Variants in ITGB7 observed in about 807,000 individuals in gnomAD.
ITGB7 encodes the protein integrin subunit beta 7, also known as integrin beta-7.
A neutral mutation model predicts 83.4 loss-of-function variants in ITGB7; 55 were observed. The observed-to-expected ratio is 0.66, with a 90% CI of 0.53 to 0.83. The LOEUF (loss-of-function observed/expected upper bound fraction) is 0.83. Among genes scored for constraint, ITGB7 ranks in the 40% least tolerant of loss-of-function variants. ITGB7 has a pLI of 0.00. For missense variants in ITGB7, 921 were observed against 1,046.7 expected, an observed-to-expected ratio of 0.88 and a Z score of 1.66; for synonymous variants, 454 against 423.6, an observed-to-expected ratio of 1.07 and a Z score of -0.88.
rs1424912589 is a variant in ITGB7 at position 53,193,561 on chromosome 12, A to G, written c.1502+147T>C. On this transcript the variant is annotated intron_variant, in intron 11 of 15. Transcript: ENST00000267082. ...AGTCAGGGGGAGGGCCTGGACATAC[A>G]TGGGAAGCTTCAAGGGATGAAACTG... 19 of 797,346 alleles carry G rather than the reference A, an allele frequency of 2.4e-5. No homozygotes were observed. In the Admixed American group the frequency reaches 5.3e-4, roughly 22 times the overall value. The allele number at this position is 797,346 out of a possible 1,614,324, so 49.4% of individuals were successfully genotyped here.
intron 5 of ITGB7, 61 bp from the exon 6 acceptor site, chr12:53,196,881 T>A: frequency 6.5e-7 from 1 of 1,548,138 alleles, no homozygotes; most frequent in Non-Finnish European, 8.8e-7. Context: ...AGAGGACCCA[T>A]GAGAGCGCTC....
chr12:53,192,388 G>T lies in ITGB7; in HGVS notation c.2097C>A (p.Phe699Leu). 1 of 1,614,144 alleles carries T rather than the reference G, an allele frequency of 6.2e-7. No homozygotes were observed. The highest frequency in any genetic ancestry group is 8.5e-7 in the Non-Finnish European group (1 of 1,180,026). ...CTCTGGCGTCATCCTCCACCAAGAA[G>T]AAGAACAGCTGGTTGTCCAGGGTCC... is the stretch of plus-strand genomic sequence containing the variant. ...KERTLDNQLF[F>L]FLVEDDARGT... Residue 699 changes from phenylalanine (F) to leucine (L), a missense_variant, in exon 14 of 16, where the codon TTC becomes TTA. Coordinates refer to ENST00000267082, the MANE Select transcript of ITGB7 (RefSeq NM_000889.3).
In ITGB7 at chr12:53,191,587, C is replaced by T. The variant is rs1277922719; in HGVS notation, c.2366G>A (p.Arg789His). 5.6e-6 allele frequency: 9 copies of T among 1,613,520 alleles called. No homozygotes were observed. Among genetic ancestry groups the T allele is most frequent in the East Asian group, 2.2e-5 (1 of 44,878 alleles). ...AGTGGGACTGTCTGCCTCTTGAAAG[C>T]GAGGATTGATGGTGGTCGTGATGGC... ...KSAITTTINP[R>H]FQEADSPTL Residue 789 changes from arginine (R) to histidine (H), a missense_variant, in exon 16 of 16, where the codon CGC (arginine) becomes CAC (histidine). By Grantham distance (29) the Arg-to-His change is conservative. Transcript: ENST00000267082.
chr12:53,195,163 CT>C (rs1942113987), intron 9 of ITGB7: 1 of 584,288 alleles, frequency 1.7e-6, no homozygotes, highest in South Asian at 2.1e-5. Flanking sequence ...CAGAGCAGAG[CT>C]CCATGCTGTC....
chr12:53,197,910 G>T lies in ITGB7; in HGVS notation c.243C>A (p.Ala81=). The stretch of plus-strand genomic sequence containing the variant: ...CTCGAGCCAGCAGCTCCTCTCGTCG[G>T]GCGCAGCGCCGCGCCTCCGCCTCTC... ...ASGEAEARRC[A]RREELLARGC... Residue 81 remains alanine, a synonymous_variant, in exon 4 of 16, where the codon GCC becomes GCA. Transcript: ENST00000267082. 1 of 1,546,086 alleles carries T rather than the reference G, an allele frequency of 6.5e-7. No individual in the cohort carries two copies.
At chr12:53,198,649 C>T (rs575164376) in intron 3 of ITGB7, among the ~76,000 whole-genome samples, 1 of 151,802 alleles carries the variant, frequency 6.6e-6, no homozygotes, top group South Asian at 2.1e-4. Flanking sequence ...GCCACCTACC[C>T]CTCTCCTCCC....
chr12:53,202,864 G>T (rs1444685160), intron 1 of ITGB7, among the ~76,000 whole-genome samples: 1 of 152,118 alleles, frequency 6.6e-6, no homozygotes, highest in Non-Finnish European at 1.5e-5. Flanking sequence ...AATAAAAGGT[G>T]CTTTCAACAT....
chr12:53,198,084 T>TC (rs1488976827), intron 3 of ITGB7, 133 bp from the exon 4 acceptor site: 2 of 618,368 alleles, frequency 3.2e-6, no homozygotes. Flanking sequence ...CCTGATTCCC[T>TC]CCCCTCTTCC....
chr12:53,192,957 A>C (rs547307602), intron 12 of ITGB7, 47 bp from the exon 13 acceptor site: 1 of 1,576,200 alleles, frequency 6.3e-7, no homozygotes, highest in South Asian at 1.1e-5. Context: ...CCACACACAC[A>C]GTTGGCCATC....
chr12:53,202,691 C>A (rs12826637), intron 1 of ITGB7, among the ~76,000 whole-genome samples: 1 of 150,992 alleles, frequency 6.6e-6, no homozygotes, highest in African/African-American at 2.4e-5. Flanking sequence ...GGCCAGGTAC[C>A]GTGGCTCATG....
At chr12:53,200,166 A>T (rs1045623630) in intron 3 of ITGB7, 77 bp downstream of exon 3, 62 of 1,256,454 alleles carry the variant, frequency 4.9e-5, no homozygotes, top group Non-Finnish European at 7.0e-5. Flanking sequence ...AATCACACAC[A>T]TATATCCAGG....
Position 53,196,124 on chromosome 12 carries a change from C to T in ITGB7, c.892G>A (p.Gly298Arg), listed in dbSNP as rs1315538522. 16 of 1,614,204 alleles carry T rather than the reference C, an allele frequency of 9.9e-6. No homozygotes were observed. Among genetic ancestry groups the T allele is most frequent in the East Asian group, 2.2e-5 (1 of 44,890 alleles). The change falls in exon 7 of 16, where the codon GGG becomes AGG. Residue 298 changes from glycine (G) to arginine (R), a missense_variant. Gly to Arg is a moderately radical substitution (Grantham distance 125, BLOSUM62 -2). Transcript: ENST00000267082. ...GGCATGAAAATGCCGCCCAACTTCCCGTCCCCAGCTGTATGGAATGTGTCG... is the reference window on the plus strand; with the variant it reads ...GGCATGAAAATGCCGCCCAACTTCCTGTCCCCAGCTGTATGGAATGTGTCG... ...SDDTFHTAGD[G>R]KLGGIFMPSD...
chr12:53,193,595 G>T, intron 11 of ITGB7, 113 bp downstream of exon 11: 1 of 959,976 alleles, frequency 1.0e-6, no homozygotes, highest in Non-Finnish European at 1.5e-6. Flanking sequence ...TGAGTGGGGA[G>T]TCGGGATGTC....
At chr12:53,202,058 C>T (rs1942333385) in intron 1 of ITGB7, among the ~76,000 whole-genome samples, 1 of 152,182 alleles carries the variant, frequency 6.6e-6, no homozygotes, top group South Asian at 2.1e-4. Context: ...GAAAAACTGT[C>T]TTCAAAAAAT....
At chr12:53,203,914 T>C (rs1158762852) in intron 1 of ITGB7, among the ~76,000 whole-genome samples, 1 of 152,156 alleles carries the variant, frequency 6.6e-6, no homozygotes, top group African/African-American at 2.4e-5. Context: ...CTTAGGTATA[T>C]ACTCAGAAGA....
At chr12:53,199,275 A>G (rs1942264557) in intron 3 of ITGB7, among the ~76,000 whole-genome samples, 1 of 151,982 alleles carries the variant, frequency 6.6e-6, no homozygotes, top group Admixed American at 6.5e-5. Context: ...TAAAGCATAA[A>G]CAAACAACAG....
chr12:53,200,111 A>G, intron 3 of ITGB7, 132 bp downstream of exon 3: 1 of 768,270 alleles, frequency 1.3e-6, no homozygotes, highest in African/African-American at 1.7e-5. Flanking sequence ...TCAGTCACAC[A>G]TGAGACTGTG....
intron 3 of ITGB7, among the ~76,000 whole-genome samples, chr12:53,198,963 T>C (rs1222094908): frequency 6.6e-6 from 1 of 152,188 alleles, no homozygotes; most frequent in East Asian, 1.9e-4. Flanking sequence ...GACCTGACCA[T>C]CTCAAGAGCG....
intron 5 of ITGB7, 76 bp downstream of exon 5, chr12:53,197,417 C>T: frequency 6.4e-7 from 1 of 1,557,048 alleles, no homozygotes; most frequent in Non-Finnish European, 8.9e-7. Flanking sequence ...CCTTGTGAGT[C>T]CAGGATGTTG....
Sources: allele counts gnomAD v4.1 joint callset (sites outside exome capture counted in the v4.1 genomes callset), GRCh38; gene constraint gnomAD v4.1.1; transcripts MANE v1.5; gene names NCBI Gene and HGNC (gene_info 2026-07-23, HGNC 2026-07-21).